UGT1A7: variants seen among roughly 807,000 people sequenced by gnomAD.
UGT1A7 encodes UDP glucuronosyltransferase family 1 member A7, also known as UDP-glucuronosyltransferase 1A7.
Under a neutral mutation model 45.6 loss-of-function variants are expected in UGT1A7, and 33 were observed. That is an observed-to-expected ratio of 0.72 (90% CI 0.55 to 0.97). UGT1A7 has a LOEUF of 0.97. UGT1A7 is among the 50% of genes least tolerant of loss of function. UGT1A7 has a pLI of 0.00. For synonymous variants in UGT1A7, 274 were observed against 250.6 expected (o/e 1.09, Z -0.88); for missense variants, 684 against 666.2 (o/e 1.03, Z -0.29).
At chr2:233,700,961 C>T (rs867689514) in intron 1 of UGT1A7, among the ~76,000 whole-genome samples, 2 of 151,736 alleles carry the variant, frequency 1.3e-5, no homozygotes, top group Non-Finnish European at 2.9e-5. Context: ...TGAGTGAGAA[C>T]ATGCGGTGTT....
intron 1 of UGT1A7, among the ~76,000 whole-genome samples, chr2:233,712,193 C>G (rs144263331): frequency 3.9e-5 from 6 of 152,220 alleles, no homozygotes; most frequent in African/African-American, 1.4e-4. Flanking sequence ...CCAGCTCCCC[C>G]GGTCCCTTGG....
At chr2:233,693,990 T>C (rs553215275) in intron 1 of UGT1A7, 6 of 1,534,128 alleles carry the variant, frequency 3.9e-6, no homozygotes, top group Admixed American at 3.8e-5. Context: ...GGGGAAGTGA[T>C]ACCCGGCTCG....
chr2:233,683,408 C>T (rs1303607850), intron 1 of UGT1A7, among the ~76,000 whole-genome samples: 8 of 152,094 alleles, frequency 5.3e-5, no homozygotes, highest in Admixed American at 5.2e-4. Context: ...TAAGTGTTTT[C>T]CACTTTTGGG....
intron 1 of UGT1A7, chr2:233,755,099 C>G: frequency 2.2e-6 from 3 of 1,335,076 alleles, no homozygotes; most frequent in Non-Finnish European, 3.0e-6. Context: ...TCTACGCGTC[C>G]GACAACACCT....
chr2:233,769,450 T>C lies in UGT1A7; in HGVS notation c.1295+1011T>C, dbSNP rs1280911013. 7 of 1,587,838 alleles carry C rather than the reference T, an allele frequency of 4.4e-6. No individual in the cohort carries two copies. The East Asian group carries it at 1.6e-4, about 36-fold the overall frequency. On this transcript the variant is annotated intron_variant, in intron 4 of 4. Transcript: ENST00000373426. The surrounding 1 kb of genome is among the most constrained non-coding windows in gnomAD (Gnocchi z 4.4). ...CTGTGCTCATGTGTGGGTGCACACG[T>C]GTGCATTCATATGCGTGTGTGTGTG...
chr2:233,744,268 G>A (rs975143580), intron 1 of UGT1A7, among the ~76,000 whole-genome samples: 1 of 151,806 alleles, frequency 6.6e-6, no homozygotes, highest in Non-Finnish European at 1.5e-5. Context: ...TTTTCTTAAA[G>A]TAGGCTTTAT....
chr2:233,740,756 T>G (rs1289445141), intron 1 of UGT1A7: 2 of 151,784 alleles, frequency 1.3e-5, no homozygotes, highest in Non-Finnish European at 1.5e-5. Flanking sequence ...TCTGAAAACC[T>G]TATCAAACCG....
chr2:233,751,062 CA>C (rs1460604687), intron 1 of UGT1A7, among the ~76,000 whole-genome samples: 3 of 151,906 alleles, frequency 2.0e-5, no homozygotes, highest in Non-Finnish European at 4.4e-5. Context: ...CACAGACACT[CA>C]ATGCCAGCCT....
rs34150486 is a variant in UGT1A7, at chr2:233,743,623, G to A, written c.856-23411G>A. 20 of 1,367,332 alleles carry A rather than the reference G, an allele frequency of 1.5e-5. No homozygotes were observed. In the South Asian group the frequency reaches 1.8e-4, roughly 12 times the overall value. 84.7% of individuals were successfully genotyped at this position (1,367,332 alleles called of 1,614,324 possible). A position where few individuals can be genotyped will look rare whatever the true frequency, so the allele number is the denominator to read the frequency against. ...GGCCGCCGAAGAACTCCCTGAAGAC[G>A]TCGGCTGGGTCGCGGAAGCTGAAGA... On this transcript the variant is annotated intron_variant, in intron 1 of 4. Transcript: ENST00000373426.
intron 1 of UGT1A7, among the ~76,000 whole-genome samples, chr2:233,734,727 CG>C (rs2078556253): frequency 6.6e-6 from 1 of 150,514 alleles, no homozygotes; most frequent in East Asian, 2.0e-4. Context: ...TTGTTCTCGT[CG>C]GTTTCAAAGA....
At chr2:233,767,802 T>C in intron 2 of UGT1A7, 47 bp from the exon 3 acceptor site, 1 of 1,614,174 alleles carries the variant, frequency 6.2e-7, no homozygotes, top group East Asian at 2.2e-5. Flanking sequence ...TGTTTTCTAA[T>C]CATATTATGT....
In UGT1A7 at chr2:233,716,181, C is replaced by G. The variant is rs375271371; in HGVS notation, c.855+33389C>G. Among the ~76,000 whole-genome samples the G allele has an allele frequency of 1.4e-4, 21 of 152,300 alleles. No homozygotes were observed. In the East Asian group the frequency reaches 3.9e-3, roughly 28 times the overall value. On this transcript the variant is annotated intron_variant, in intron 1 of 4. Transcript: ENST00000373426. Reference sequence around the variant, plus strand: ...GAGATGCAGTGCAGCATCTTCAAGTCTCTAATTCTTACATCTGTCTCTTTC... The same window carrying G: ...GAGATGCAGTGCAGCATCTTCAAGTGTCTAATTCTTACATCTGTCTCTTTC...
At chr2:233,727,635 G>A (rs920148460) in intron 1 of UGT1A7, among the ~76,000 whole-genome samples, 17 of 152,184 alleles carry the variant, frequency 1.1e-4, no homozygotes, top group Non-Finnish European at 1.5e-4. Flanking sequence ...TGCACCCACA[G>A]CTGAGAATCC....
intron 1 of UGT1A7, among the ~76,000 whole-genome samples, chr2:233,701,040 G>A (rs1195545458): frequency 2.6e-5 from 4 of 152,104 alleles, no homozygotes; most frequent in African/African-American, 9.7e-5. Flanking sequence ...CCCTACAAAG[G>A]ACATGAACTC....
Position 233,719,132 on chromosome 2 carries a change from A to G in UGT1A7, c.855+36340A>G, listed in dbSNP as rs373602050. The G allele has an allele frequency of 5.0e-6, 8 of 1,614,122 alleles. No individual in the cohort carries two copies. The African/African-American group carries it at 6.7e-5, about 13-fold the overall frequency. On this transcript the variant is annotated intron_variant, in intron 1 of 4. Transcript: ENST00000373426. Reference sequence around the variant, plus strand: ...ACACTCAAGGGTTCTTTGAAACAGAACATCTTCTGAAGAGATATTCTAGAA... The same window carrying G: ...ACACTCAAGGGTTCTTTGAAACAGAGCATCTTCTGAAGAGATATTCTAGAA...
intron 1 of UGT1A7, among the ~76,000 whole-genome samples, chr2:233,764,630 G>T (rs2126011376): frequency 6.6e-6 from 1 of 152,148 alleles, no homozygotes; most frequent in Middle Eastern, 3.4e-3. Context: ...GAAGAGCAAA[G>T]GTCCTAGGAA....
intron 1 of UGT1A7, chr2:233,761,093 T>G: frequency 6.2e-7 from 1 of 1,614,222 alleles, no homozygotes; most frequent in Non-Finnish European, 8.5e-7. Flanking sequence ...AGGCCCATCA[T>G]GCCCAATATG....
intron 1 of UGT1A7, among the ~76,000 whole-genome samples, chr2:233,746,331 A>C (rs1482608381): frequency 6.6e-6 from 1 of 151,784 alleles, no homozygotes; most frequent in Admixed American, 6.5e-5. Flanking sequence ...TCTACAGGGC[A>C]ATGGACATGT....
chr2:233,721,742 G>A lies in UGT1A7; in HGVS notation c.855+38950G>A, dbSNP rs752644717. On this transcript the variant is annotated intron_variant, in intron 1 of 4. Transcript: ENST00000373426. ...TTTACTTGGATAAGCTTAATGATGA[G>A]AGAATCTACATCTAAATTGTTATAT... 6 of 435,954 alleles carry A rather than the reference G, an allele frequency of 1.4e-5. No individual in the cohort carries two copies. The East Asian group carries it at 1.9e-4, about 14-fold the overall frequency. The allele number at this position is 435,954 out of a possible 1,614,324, so 27.0% of individuals were successfully genotyped here. A position where few individuals can be genotyped will look rare whatever the true frequency, so the allele number is the denominator to read the frequency against.
Sources: allele counts gnomAD v4.1 joint callset (sites outside exome capture counted in the v4.1 genomes callset), GRCh38; gene constraint gnomAD v4.1.1; non-coding constraint Gnocchi (gnomAD v3.1); transcripts MANE v1.5; gene names NCBI Gene and HGNC (gene_info 2026-07-23, HGNC 2026-07-21).